Variants in HCN1 observed in about 807,000 individuals in gnomAD.
HCN1 encodes the protein hyperpolarization activated cyclic nucleotide gated potassium channel 1.
HCN1 carries 13 observed loss-of-function variants against 78.9 expected under a neutral mutation model. The ratio of observed to expected loss-of-function variants is 0.16; its 90% CI spans 0.11 to 0.26. The LOEUF (loss-of-function observed/expected upper bound fraction) is 0.26. Among genes scored for constraint, HCN1 ranks in the 10% least tolerant of loss-of-function variants. The pLI, the probability that HCN1 is intolerant of heterozygous loss-of-function variation, is 1.00. For missense variants in HCN1, 810 were observed against 1,154.3 expected (o/e 0.70, Z 4.32); for synonymous variants, 552 against 455.5 (o/e 1.21, Z -2.70).
At chr5:45,504,069 G>A (rs187713197) in intron 2 of HCN1, among the ~76,000 whole-genome samples, 124 of 152,184 alleles carry the variant, frequency 8.1e-4, no homozygotes, top group African/African-American at 2.9e-3. Context: ...GCAGGCATGA[G>A]CCACCATGCC....
intron 2 of HCN1, among the ~76,000 whole-genome samples, chr5:45,541,991 G>T (rs1207435514): frequency 6.6e-6 from 1 of 151,910 alleles, no homozygotes; most frequent in Non-Finnish European, 1.5e-5. Context: ...AAAACACTGA[G>T]CAATATATGT....
chr5:45,438,614 A>G (rs1005700600), intron 3 of HCN1, among the ~76,000 whole-genome samples: 3 of 151,818 alleles, frequency 2.0e-5, no homozygotes, highest in African/African-American at 7.3e-5. Flanking sequence ...AAAACAAACA[A>G]AAAAAGAAAA....
chr5:45,599,351 T>C (rs950916070), intron 2 of HCN1, among the ~76,000 whole-genome samples: 39 of 151,754 alleles, frequency 2.6e-4, no homozygotes, highest in Non-Finnish European at 3.8e-4. Context: ...TGGGTGGGAA[T>C]TGAACAATAA....
intron 2 of HCN1, among the ~76,000 whole-genome samples, chr5:45,544,121 G>A (rs1343498201): frequency 6.6e-6 from 1 of 152,010 alleles, no homozygotes; most frequent in African/African-American, 2.4e-5. Context: ...GAGTACCTTA[G>A]CATTCTGAGG....
At chr5:45,507,973 T>A (rs546909797) in intron 2 of HCN1, among the ~76,000 whole-genome samples, 1 of 152,220 alleles carries the variant, frequency 6.6e-6, no homozygotes, top group Non-Finnish European at 1.5e-5. Flanking sequence ...TATCTGAATT[T>A]CACCAAAAAC....
intron 3 of HCN1, among the ~76,000 whole-genome samples, chr5:45,409,501 A>C (rs1739986628): frequency 6.6e-6 from 1 of 152,054 alleles, no homozygotes; most frequent in Non-Finnish European, 1.5e-5. Context: ...TATCTCAAAA[A>C]TCATGCTCTC....
intron 6 of HCN1, among the ~76,000 whole-genome samples, chr5:45,290,062 T>C (rs1464857735): frequency 1.3e-5 from 2 of 151,958 alleles, no homozygotes; most frequent in Admixed American, 6.6e-5. Context: ...AGGCAGTTTT[T>C]CCTGCACTGT....
intron 5 of HCN1, among the ~76,000 whole-genome samples, chr5:45,328,552 C>G (rs567646579): frequency 1.1e-4 from 16 of 151,656 alleles, no homozygotes; most frequent in African/African-American, 3.9e-4. Flanking sequence ...CATAATGATA[C>G]AGCAACAGTT....
chr5:45,522,272 T>A (rs1742629542), intron 2 of HCN1, among the ~76,000 whole-genome samples: 1 of 152,052 alleles, frequency 6.6e-6, no homozygotes, highest in Non-Finnish European at 1.5e-5. Flanking sequence ...TTAAACTTAC[T>A]GTGTAAATAA....
intron 4 of HCN1, among the ~76,000 whole-genome samples, chr5:45,376,240 ATATTC>A (rs1298842820): frequency 7.9e-5 from 9 of 114,644 alleles, no homozygotes; most frequent in African/African-American, 3.1e-4. Flanking sequence ...TATATTCTAT[ATATTC>A]TATATAGAAT....
At chr5:45,459,041 C>A (rs1741088234) in intron 3 of HCN1, among the ~76,000 whole-genome samples, 1 of 151,896 alleles carries the variant, frequency 6.6e-6, no homozygotes, top group African/African-American at 2.4e-5. Context: ...CAAATGATAC[C>A]ATCAAGATTC....
At chr5:45,658,796 G>T (rs1209376760) in intron 1 of HCN1, among the ~76,000 whole-genome samples, 1 of 152,000 alleles carries the variant, frequency 6.6e-6, no homozygotes, top group Non-Finnish European at 1.5e-5. Context: ...TTGGCTGAGA[G>T]GGTCCTACGC....
In HCN1 at chr5:45,328,311, C is replaced by T. The variant is rs113583829; in HGVS notation, c.1378-24472G>A. ...TAGAAGATTAGTTCTTACAGAAGAT[C>T]TTAGCAATCTCAGCATATAATTTTT... On this transcript the variant is annotated intron_variant, in intron 5 of 7. Coordinates refer to ENST00000303230, the MANE Select transcript of HCN1 (RefSeq NM_021072.4). Among the ~76,000 whole-genome samples, 199 of 151,398 alleles carry T rather than the reference C, an allele frequency of 1.3e-3. 2 individuals carry two copies. The highest frequency in any genetic ancestry group is 4.7e-3 in the African/African-American group (193 of 41,354).
chr5:45,312,600 G>A (rs1745874472), intron 5 of HCN1, among the ~76,000 whole-genome samples: 1 of 152,184 alleles, frequency 6.6e-6, no homozygotes, highest in African/African-American at 2.4e-5. Flanking sequence ...AAGGAGTCAG[G>A]GAATTCCCTT....
intron 5 of HCN1, among the ~76,000 whole-genome samples, chr5:45,342,183 A>G (rs1218098544): frequency 6.6e-6 from 1 of 151,752 alleles, no homozygotes; most frequent in Non-Finnish European, 1.5e-5. Context: ...TTTTACATTT[A>G]TCTTTTAATT....
chr5:45,330,080 T>C (rs965867144), intron 5 of HCN1, among the ~76,000 whole-genome samples: 36 of 151,388 alleles, frequency 2.4e-4, no homozygotes, highest in African/African-American at 8.7e-4. Context: ...CCTTACACAA[T>C]TTTCTCAAAG....
intron 2 of HCN1, among the ~76,000 whole-genome samples, chr5:45,564,615 TCTAA>T (rs1422492243): frequency 3.9e-5 from 6 of 152,194 alleles, no homozygotes; most frequent in African/African-American, 7.2e-5. Flanking sequence ...ACAATTTTGC[TCTAA>T]CTATGTAATC....
At chr5:45,426,986 A>AATATACATATTCATTATATT (rs1160803005) in intron 3 of HCN1, among the ~76,000 whole-genome samples, 1 of 151,924 alleles carries the variant, frequency 6.6e-6, no homozygotes, top group African/African-American at 2.4e-5. Flanking sequence ...AATTATAATA[A>AATATACATATTCATTATATT]ATATACATAT....
intron 4 of HCN1, among the ~76,000 whole-genome samples, chr5:45,359,102 C>A (rs2111989308): frequency 6.6e-6 from 1 of 152,156 alleles, no homozygotes; most frequent in Middle Eastern, 3.4e-3. Flanking sequence ...CCTGTACATA[C>A]ATGTGCAGAT....
Sources: gnomAD v4.1 joint callset for allele counts (sites outside exome capture counted in the v4.1 genomes callset) on GRCh38, gnomAD v4.1.1 for gene constraint, MANE v1.5 for transcripts, NCBI Gene and HGNC (gene_info 2026-07-23, HGNC 2026-07-21) for gene names.